The following PTCD3 variants were observed in gnomAD, a reference collection of about 807,000 sequenced individuals.
PTCD3 encodes the protein pentatricopeptide repeat domain 3.
Under a neutral mutation model 101.9 loss-of-function variants are expected in PTCD3, and 89 were observed. The observed-to-expected ratio is 0.87, with a 90% confidence interval of 0.74 to 1.04. The LOEUF (loss-of-function observed/expected upper bound fraction) is 1.04. PTCD3 is among the 50% of genes least tolerant of loss of function. The probability of loss-of-function intolerance (pLI) is 0.00; values close to 1 mark genes in which losing one functional copy is unlikely to be tolerated. For missense variants in PTCD3, 870 were observed against 828.2 expected (o/e 1.05, Z -0.62); for synonymous variants, 296 against 278.5 (o/e 1.06, Z -0.63).
At chr2:86,127,575 A>G (rs532925991) in intron 13 of PTCD3, 4 of 488,952 alleles carry the variant, frequency 8.2e-6, no homozygotes, top group African/African-American at 7.8e-5. Context: ...TTTTAAATTC[A>G]TGACATTTTC....
In PTCD3 at chr2:86,127,144, G is replaced by A. The variant is rs766856586; in HGVS notation, c.952-17G>A. 6.3e-7 allele frequency: 1 copy of A among 1,595,746 alleles called. No individual in the cohort carries two copies. Among genetic ancestry groups the A allele is most frequent in the Non-Finnish European group, 8.5e-7 (1 of 1,171,724 alleles). ...TACCCAGGCATGAAAGATACTTCTTGTTTTTTATTCACCTAGGAGCTGCTA... is the reference window on the plus strand; with the variant it reads ...TACCCAGGCATGAAAGATACTTCTTATTTTTTATTCACCTAGGAGCTGCTA... On this transcript the variant is annotated splice_polypyrimidine_tract_variant and intron_variant, in intron 12 of 23. Coordinates refer to ENST00000254630, the MANE Select transcript of PTCD3 (RefSeq NM_017952.6).
Position 86,117,103 on chromosome 2 carries a change from A to G in PTCD3, c.358A>G (p.Ile120Val). 6.7e-7 allele frequency: 1 copy of G among 1,496,712 alleles called. No homozygotes were observed. 92.7% of individuals were successfully genotyped at this position (1,496,712 alleles called of 1,614,324 possible). Reference protein sequence around the residue: ...KKSGENVAKFIINSYPKYFQK... With the variant: ...KKSGENVAKFVINSYPKYFQK... The stretch of plus-strand genomic sequence containing the variant: ...ATCCGGGGAGAATGTGGCCAAGTTT[A>G]TTATTAATTCATACCCCAAATATTT... Residue 120 changes from isoleucine (I) to valine (V), a missense_variant, in exon 6 of 24, where the codon ATT becomes GTT. Coordinates refer to ENST00000254630, the MANE Select transcript of PTCD3 (RefSeq NM_017952.6).
chr2:86,108,375 T>G lies in PTCD3; in HGVS notation c.130T>G (p.Ser44Ala). The change falls in exon 2 of 24, where the codon TCA (serine) becomes GCA (alanine). Residue 44 changes from serine (S) to alanine (A), a missense_variant. Physicochemically the swap from Ser to Ala is moderately conservative, Grantham distance 99. Coordinates refer to ENST00000254630, the MANE Select transcript of PTCD3 (RefSeq NM_017952.6). ...ATTTTATTCTGGTAGTGCAACCCTC[T>G]CAAAGGTTGAAGGAACTGATGTAAC... ...CRFYSGSATL[S>A]KVEGTDVTGI... is the part of the protein sequence containing the mutation. The G allele has an allele frequency of 6.2e-7, 1 of 1,609,150 alleles. No individual in the cohort carries two copies. The highest frequency in any genetic ancestry group is 8.5e-7 in the Non-Finnish European group (1 of 1,178,320).
At chr2:86,116,732 ACTACTTT>A (rs1674185083) in intron 5 of PTCD3, 134 bp downstream of exon 5, 2 of 705,160 alleles carry the variant, frequency 2.8e-6, no homozygotes, top group Non-Finnish European at 4.8e-6. Flanking sequence ...TGAATCCTTT[ACTACTTT>A]CTTCAAAAAG....
chr2:86,122,375 T>C (rs1026057231), intron 8 of PTCD3, among the ~76,000 whole-genome samples: 4 of 152,188 alleles, frequency 2.6e-5, no homozygotes, highest in Non-Finnish European at 5.9e-5. Context: ...TTTTCTTCGT[T>C]TCTATCTTTT....
In PTCD3 at chr2:86,125,508, A is replaced by C; in HGVS notation, c.858A>C (p.Arg286Ser). 1.2e-6 allele frequency: 2 copies of C among 1,610,184 alleles called. No homozygotes were observed. Among genetic ancestry groups the C allele is most frequent in the Non-Finnish European group, 1.7e-6 (2 of 1,176,544 alleles). The change falls in exon 11 of 24, where the codon AGA becomes AGC. Residue 286 changes from arginine to serine, a missense_variant. Physicochemically the swap from Arg to Ser is moderately radical, Grantham distance 110. Coordinates refer to ENST00000254630, the MANE Select transcript of PTCD3 (RefSeq NM_017952.6). ...TGTACACTGAGTTACTAAACAACAG[A>C]CTCCATGGTGAGTTTGAGAACTCCC... ...LNLYTELLNN[R>S]LHADVYTFNA...
rs746897836 is a variant in PTCD3, at chr2:86,133,235, G to A, written c.1431G>A (p.Trp477Ter). The A allele has an allele frequency of 6.2e-7, 1 of 1,613,956 alleles. No individual in the cohort carries two copies. The highest frequency in any genetic ancestry group is 1.3e-5 in the African/African-American group (1 of 74,886). Residue 477 changes from tryptophan to a stop codon, truncating the protein, a stop_gained, in exon 18 of 24, where the codon TGG (tryptophan) becomes TGA (stop). Transcript: ENST00000254630. LOFTEE classifies it high-confidence loss of function. ...AACAAATTGATGTTACCTTGAAGTG[G>A]TATGAGGACCTGATACCTTCAGTAA... is the stretch of plus-strand genomic sequence containing the variant. ...LMEQIDVTLK[W>*]YEDLIPSAYF...
At chr2:86,129,592 C>T (rs1674459388) in intron 14 of PTCD3, among the ~76,000 whole-genome samples, 1 of 152,114 alleles carries the variant, frequency 6.6e-6, no homozygotes, top group Admixed American at 6.6e-5. Context: ...CAGTAAGCTG[C>T]GTTTGCCCCA....
chr2:86,106,265 T>C lies in PTCD3; in HGVS notation c.18T>C (p.Ala6=). MAVVS[A]VRWLGLRSRL... is the part of the protein sequence containing the mutation. Reference sequence around the variant, plus strand: ...AATCAAAGATGGCGGTTGTATCTGCTGTTCGCTGGCTGGGCCTCCGCAGCA... The same window carrying C: ...AATCAAAGATGGCGGTTGTATCTGCCGTTCGCTGGCTGGGCCTCCGCAGCA... Residue 6 remains alanine, a synonymous_variant, in exon 1 of 24, where the codon GCT becomes GCC. Coordinates refer to ENST00000254630, the MANE Select transcript of PTCD3 (RefSeq NM_017952.6). 6.2e-7 allele frequency: 1 copy of C among 1,614,126 alleles called. No homozygotes were observed. The highest frequency in any genetic ancestry group is 8.5e-7 in the Non-Finnish European group (1 of 1,180,014).
intron 1 of PTCD3, among the ~76,000 whole-genome samples, chr2:86,107,998 T>A (rs1274205077): frequency 6.6e-6 from 1 of 152,196 alleles, no homozygotes; most frequent in Non-Finnish European, 1.5e-5. Flanking sequence ...TGGTGGCATA[T>A]GCCTGTAGTC....
At chr2:86,130,948 T>G in intron 15 of PTCD3, 130 bp from the exon 16 acceptor site, 1 of 1,400,724 alleles carries the variant, frequency 7.1e-7, no homozygotes. Context: ...CCTGCCTCTC[T>G]TAAGTTTTTA....
intron 14 of PTCD3, among the ~76,000 whole-genome samples, chr2:86,129,232 G>C (rs1172572159): frequency 2.0e-5 from 3 of 152,128 alleles, no homozygotes; most frequent in Non-Finnish European, 2.9e-5. Context: ...CCTTTCCTCT[G>C]TAACTCTCAT....
intron 3 of PTCD3, among the ~76,000 whole-genome samples, chr2:86,110,683 T>C (rs1674062044): frequency 6.6e-6 from 1 of 152,210 alleles, no homozygotes; most frequent in South Asian, 2.1e-4. Flanking sequence ...CCATGGATCT[T>C]GGGAGGCTTT....
chr2:86,106,391 G>A (rs1673947444), intron 1 of PTCD3, 40 bp downstream of exon 1: 5 of 1,581,704 alleles, frequency 3.2e-6, no homozygotes, highest in East Asian at 2.2e-5. Flanking sequence ...AGACCGCGGA[G>A]TCACCTTAGT....
In PTCD3 at chr2:86,106,824, A is replaced by G. The variant is rs933799323; in HGVS notation, c.104+473A>G. 3.3e-5 allele frequency among the ~76,000 whole-genome samples: 5 copies of G among 152,346 alleles called. 1 individual carries two copies. The highest frequency in any genetic ancestry group is 4.1e-4 in the South Asian group (2 of 4,824). Reference sequence around the variant, plus strand: ...GCAGAAAAGTCTAAAAGATCTGACTATGCCCTTTTGATCTGTGATAGTTAT... The same window carrying G: ...GCAGAAAAGTCTAAAAGATCTGACTGTGCCCTTTTGATCTGTGATAGTTAT... On this transcript the variant is annotated intron_variant, in intron 1 of 23. Coordinates refer to ENST00000254630, the MANE Select transcript of PTCD3 (RefSeq NM_017952.6).
intron 19 of PTCD3, 54 bp from the exon 20 acceptor site, chr2:86,134,238 A>C: frequency 1.5e-6 from 2 of 1,344,866 alleles, no homozygotes; most frequent in South Asian, 2.4e-5. Flanking sequence ...AGTGAACAAA[A>C]GTGTGTTGGT....
intron 3 of PTCD3, among the ~76,000 whole-genome samples, chr2:86,109,566 G>C (rs1558792595): frequency 6.6e-6 from 1 of 152,196 alleles, no homozygotes; most frequent in Non-Finnish European, 1.5e-5. Context: ...TACCGTATTG[G>C]CAGAGAGAGG....
chr2:86,136,689 A>G (rs963193129), intron 22 of PTCD3, 127 bp downstream of exon 22: 1 of 1,133,482 alleles, frequency 8.8e-7, no homozygotes, highest in African/African-American at 1.5e-5. Context: ...TCAACTCCCT[A>G]CTATCCAGGG....
Position 86,130,669 on chromosome 2 carries a change from C to G in PTCD3, c.1169C>G (p.Ser390Cys). The change falls in exon 15 of 24, where the codon TCC becomes TGC. Residue 390 changes from serine (S) to cysteine (C), a missense_variant. Physicochemically the swap from Ser to Cys is moderately radical, Grantham distance 112 (BLOSUM62 -1). Coordinates refer to ENST00000254630, the MANE Select transcript of PTCD3 (RefSeq NM_017952.6). The part of the protein sequence containing the change: ...DQPGDPLKRS[S>C]FIIYDIMNEL... ...GCAGGAGACCCTTTAAAGAGATCAT[C>G]CTTCATCATTTATGATATAATGAAT... The G allele has an allele frequency of 6.2e-7, 1 of 1,613,048 alleles. No homozygotes were observed. The highest frequency in any genetic ancestry group is 1.1e-5 in the South Asian group (1 of 90,856).
Sources: allele counts gnomAD v4.1 joint callset (sites outside exome capture counted in the v4.1 genomes callset), GRCh38; gene constraint gnomAD v4.1.1; transcripts MANE v1.5; gene names NCBI Gene and HGNC (gene_info 2026-07-23, HGNC 2026-07-21).